Variants in CMIP observed in about 807,000 individuals in gnomAD.
The protein encoded by CMIP is C-Maf-inducing protein.
Under a neutral mutation model 97.3 loss-of-function variants are expected in CMIP, and 13 were observed. The observed-to-expected ratio is 0.13, with a 90% CI of 0.09 to 0.21. The LOEUF is 0.21. Ranked by LOEUF, CMIP falls within the 10% of genes least tolerant of loss-of-function variation. The probability of loss-of-function intolerance (pLI) is 1.00; values close to 1 mark genes in which losing one functional copy is unlikely to be tolerated. For missense variants in CMIP, 847 were observed against 1,024.9 expected (o/e 0.83, Z 2.37); for synonymous variants, 538 against 436.3 (o/e 1.23, Z -2.91).
intron 20 of CMIP, 94 bp from the exon 21 acceptor site, chr16:81,709,652 G>C: frequency 1.4e-6 from 2 of 1,408,150 alleles, no homozygotes; most frequent in Non-Finnish European, 2.0e-6. Flanking sequence ...GGGTGGCAGA[G>C]ACCCCCAGCC....
At chr16:81,645,447 T>G (rs2092353790) in intron 3 of CMIP, 2 of 1,517,962 alleles carry the variant, frequency 1.3e-6, no homozygotes, top group Non-Finnish European at 1.8e-6. Context: ...CAGTGCATTC[T>G]GAGTCACTCC....
intron 1 of CMIP, among the ~76,000 whole-genome samples, chr16:81,550,897 A>G (rs1390718528): frequency 1.3e-5 from 2 of 149,370 alleles, no homozygotes; most frequent in Admixed American, 6.7e-5. Flanking sequence ...CACACACCCC[A>G]GTTCCGTCAC....
chr16:81,657,639 TAAG>T (rs2092499196), intron 4 of CMIP, 133 bp from the exon 5 acceptor site: 2 of 722,370 alleles, frequency 2.8e-6, no homozygotes, highest in East Asian at 5.7e-5. Flanking sequence ...TCTGTTTAAT[TAAG>T]AAAAAATGAC....
chr16:81,669,798 A>G (rs1248501338), intron 7 of CMIP, among the ~76,000 whole-genome samples: 2 of 151,736 alleles, frequency 1.3e-5, no homozygotes, highest in Admixed American at 6.6e-5. Context: ...CACACTCCAC[A>G]TTCCCCTCGG....
chr16:81,580,519 T>C (rs2091278813), intron 1 of CMIP, among the ~76,000 whole-genome samples: 1 of 148,828 alleles, frequency 6.7e-6, no homozygotes, highest in Non-Finnish European at 1.5e-5. Context: ...CTGCAACCTC[T>C]GCATCCTGGG....
intron 1 of CMIP, among the ~76,000 whole-genome samples, chr16:81,595,414 A>T: frequency 7.3e-6 from 1 of 137,802 alleles, no homozygotes. Flanking sequence ...TCTGAGACAG[A>T]GTCTTGCTCT....
intron 1 of CMIP, among the ~76,000 whole-genome samples, chr16:81,584,683 G>T (rs1290516201): frequency 6.6e-6 from 1 of 152,156 alleles, no homozygotes; most frequent in Admixed American, 6.6e-5. Flanking sequence ...CATCAAACTA[G>T]CCCGGCGCCG....
chr16:81,694,146 A>G (rs951568617), intron 13 of CMIP, among the ~76,000 whole-genome samples: 4 of 152,196 alleles, frequency 2.6e-5, no homozygotes, highest in African/African-American at 9.7e-5. Context: ...TGTCTTCTAT[A>G]GTATTCCCAG....
rs1433377415 is a variant in CMIP, at chr16:81,627,429, C to A, written c.477+6503C>A. Among the ~76,000 whole-genome samples, 1 of 152,040 alleles carries A rather than the reference C, an allele frequency of 6.6e-6. No homozygotes were observed. The highest frequency in any genetic ancestry group is 2.4e-5 in the African/African-American group (1 of 41,360). On this transcript the variant is annotated intron_variant, in intron 3 of 20. Coordinates refer to ENST00000537098, the MANE Select transcript of CMIP (RefSeq NM_198390.3). The surrounding 1 kb of genome is among the most constrained non-coding windows in gnomAD (Gnocchi z 4.6). ...TAGGAGCCCACGCGTGGGAGCCTCT[C>A]ATGCGCCATCATCAGTGTCTCCAAG...
intron 3 of CMIP, among the ~76,000 whole-genome samples, chr16:81,649,422 T>C (rs2092402323): frequency 6.6e-6 from 1 of 152,256 alleles, no homozygotes; most frequent in South Asian, 2.1e-4. Flanking sequence ...TGCCTCAGAC[T>C]GGTTGCCTCT....
Position 81,657,769 on chromosome 16 carries a change from C to T in CMIP, c.640-6C>T, listed in dbSNP as rs371943003. ...TTCCTCCTGCTGTCTCCATTCAATC[C>T]TTTAGAACACAAACTTGACCACCCA... On this transcript the variant is annotated splice_region_variant and splice_polypyrimidine_tract_variant and intron_variant, in intron 4 of 20. Transcript: ENST00000537098. The T allele has an allele frequency of 1.0e-4, 166 of 1,604,126 alleles. No individual in the cohort carries two copies. The African/African-American group carries it at 2.0e-3, about 19-fold the overall frequency.
chr16:81,459,569 T>C (rs1906779792), intron 1 of CMIP, among the ~76,000 whole-genome samples: 1 of 152,192 alleles, frequency 6.6e-6, no homozygotes, highest in African/African-American at 2.4e-5. Context: ...GGAAATAAGA[T>C]TTTGATCTCG....
At chr16:81,456,026 A>T (rs903736177) in intron 1 of CMIP, among the ~76,000 whole-genome samples, 1 of 152,222 alleles carries the variant, frequency 6.6e-6, no homozygotes, top group African/African-American at 2.4e-5. Flanking sequence ...AGGTCTGCCC[A>T]TTGGAAAGGG....
intron 1 of CMIP, among the ~76,000 whole-genome samples, chr16:81,471,636 A>G (rs61237924): frequency 0.071 from 10,860 of 152,310 alleles, 433 homozygotes; most frequent in South Asian, 0.12. Flanking sequence ...ATATGTGTCA[A>G]GATTCCCAGT....
At chr16:81,558,603 G>C (rs1009201478) in intron 1 of CMIP, among the ~76,000 whole-genome samples, 3 of 152,204 alleles carry the variant, frequency 2.0e-5, no homozygotes, top group African/African-American at 7.2e-5. Context: ...AGCCTGGCTT[G>C]GAGTGAGCAA....
At chr16:81,644,990 T>G (rs1044827824) in intron 3 of CMIP, among the ~76,000 whole-genome samples, 1 of 152,180 alleles carries the variant, frequency 6.6e-6, no homozygotes, top group Non-Finnish European at 1.5e-5. Context: ...ACACCAAGAC[T>G]TTCGGATAGC....
intron 1 of CMIP, among the ~76,000 whole-genome samples, chr16:81,520,875 C>A (rs1277548924): frequency 6.6e-6 from 1 of 152,074 alleles, no homozygotes; most frequent in South Asian, 2.1e-4. Context: ...TCTGGGAGGG[C>A]CTAATCCTGG....
intron 1 of CMIP, among the ~76,000 whole-genome samples, chr16:81,600,852 A>G (rs1271862683): frequency 6.6e-6 from 1 of 152,208 alleles, no homozygotes; most frequent in Non-Finnish European, 1.5e-5. Context: ...CTGTGATGGC[A>G]GCCTCATCAT....
chr16:81,684,459 C>T (rs941696511), intron 10 of CMIP, among the ~76,000 whole-genome samples: 2 of 152,220 alleles, frequency 1.3e-5, no homozygotes, highest in Non-Finnish European at 2.9e-5. Context: ...GGGAAAGCAG[C>T]GAGGCTGGCA....
Sources: allele counts gnomAD v4.1 joint callset (sites outside exome capture counted in the v4.1 genomes callset), GRCh38; gene constraint gnomAD v4.1.1; non-coding constraint Gnocchi (gnomAD v3.1); transcripts MANE v1.5; gene names NCBI Gene and HGNC (gene_info 2026-07-23, HGNC 2026-07-21).